LNX1: variants seen among roughly 807,000 people sequenced by gnomAD.
The protein encoded by LNX1 is E3 ubiquitin-protein ligase LNX.
LNX1 carries 54 observed loss-of-function variants against 68.4 expected under a neutral mutation model. The ratio of observed to expected loss-of-function variants is 0.79; its 90% CI spans 0.63 to 0.99. The LOEUF is 0.99. Among genes scored for constraint, LNX1 ranks in the 50% least tolerant of loss-of-function variants. The probability of loss-of-function intolerance (pLI) is 0.00; values close to 1 mark genes in which losing one functional copy is unlikely to be tolerated. For missense variants in LNX1, 906 were observed against 926.4 expected, an observed-to-expected ratio of 0.98 and a Z score of 0.29; for synonymous variants, 336 against 350.0, an observed-to-expected ratio of 0.96 and a Z score of 0.45.
chr4:53,489,306 C>T (rs991050757), intron 6 of LNX1, among the ~76,000 whole-genome samples: 1 of 152,062 alleles, frequency 6.6e-6, no homozygotes, highest in African/African-American at 2.4e-5. Flanking sequence ...GTTTATTTTT[C>T]CCAGTAGACT....
chr4:53,497,831 T>C (rs1725180416), intron 5 of LNX1, among the ~76,000 whole-genome samples: 1 of 152,218 alleles, frequency 6.6e-6, no homozygotes, highest in Non-Finnish European at 1.5e-5. Flanking sequence ...TCTCCTCTTA[T>C]TCCAATCAGT....
intron 1 of LNX1, among the ~76,000 whole-genome samples, chr4:53,635,202 T>C (rs1260300824): frequency 6.6e-6 from 1 of 152,010 alleles, no homozygotes; most frequent in Non-Finnish European, 1.5e-5. Context: ...TCTTGTCACA[T>C]GGGGTGAGGA....
intron 2 of LNX1, among the ~76,000 whole-genome samples, chr4:53,520,608 T>TG (rs1385963341): frequency 6.6e-6 from 1 of 152,074 alleles, no homozygotes; most frequent in African/African-American, 2.4e-5. Context: ...TGTGATGGGG[T>TG]GGGGGTCAGG....
chr4:53,637,517 GTTAT>G (rs1220212264), intron 1 of LNX1, among the ~76,000 whole-genome samples: 1 of 152,172 alleles, frequency 6.6e-6, no homozygotes, highest in Admixed American at 6.5e-5. Context: ...CATTTCACAT[GTTAT>G]TTACTTTTTC....
At chr4:53,488,122 T>G (rs966650804) in intron 6 of LNX1, among the ~76,000 whole-genome samples, 4 of 152,234 alleles carry the variant, frequency 2.6e-5, no homozygotes, top group African/African-American at 9.6e-5. Context: ...TATAATTCAA[T>G]TTCCCTACAA....
intron 6 of LNX1, among the ~76,000 whole-genome samples, chr4:53,489,037 T>A (rs62323573): frequency 0.12 from 18,163 of 152,172 alleles, 1,170 homozygotes; most frequent in East Asian, 0.16. Context: ...ATATTCCCTA[T>A]AAAATGAGTT....
chr4:53,633,887 G>A (rs1053406083), intron 1 of LNX1, among the ~76,000 whole-genome samples: 3 of 152,142 alleles, frequency 2.0e-5, no homozygotes, highest in African/African-American at 7.2e-5. Context: ...CACCAGAAAA[G>A]CCCGACAGTG....
At chr4:53,560,468 C>T (rs2109736061) in intron 2 of LNX1, among the ~76,000 whole-genome samples, 1 of 152,246 alleles carries the variant, frequency 6.6e-6, no homozygotes, top group South Asian at 2.1e-4. Context: ...TAACAGAACC[C>T]AGGTTTTATT....
intron 2 of LNX1, among the ~76,000 whole-genome samples, chr4:53,555,013 AT>A (rs1729802446): frequency 6.6e-6 from 1 of 151,988 alleles, no homozygotes; most frequent in Admixed American, 6.5e-5. Context: ...AGAAAGGAAA[AT>A]CCAGGAGGGT....
Position 53,547,198 on chromosome 4 carries a change from G to A in LNX1, c.380+26425C>T, listed in dbSNP as rs140679434. Among the ~76,000 whole-genome samples the A allele has an allele frequency of 1.1e-4, 16 of 152,294 alleles. No individual in the cohort carries two copies. The East Asian group carries it at 2.3e-3, about 22-fold the overall frequency. ...ACACTGCAAATTATCTTTGCATGGC[G>A]TTATCAATTCTAAGATGGAATCTAT... On this transcript the variant is annotated intron_variant, in intron 2 of 10. Coordinates refer to ENST00000263925, the MANE Select transcript of LNX1 (RefSeq NM_001126328.3).
chr4:53,568,179 C>G (rs1225230625), intron 2 of LNX1, among the ~76,000 whole-genome samples: 1 of 151,878 alleles, frequency 6.6e-6, no homozygotes, highest in Non-Finnish European at 1.5e-5. Context: ...CAAAGCCGGG[C>G]AGAGACACAA....
chr4:53,554,662 G>T (rs1269330469), intron 2 of LNX1, among the ~76,000 whole-genome samples: 5 of 152,132 alleles, frequency 3.3e-5, no homozygotes, highest in Non-Finnish European at 7.4e-5. Context: ...GACCAGCCTG[G>T]CCAATATGGT....
chr4:53,536,822 T>A (rs1728407846), intron 2 of LNX1, among the ~76,000 whole-genome samples: 1 of 152,224 alleles, frequency 6.6e-6, no homozygotes, highest in African/African-American at 2.4e-5. Flanking sequence ...TCTTGTGTTG[T>A]TATTTAAATA....
At chr4:53,520,274 T>C (rs1727117988) in intron 2 of LNX1, among the ~76,000 whole-genome samples, 1 of 152,178 alleles carries the variant, frequency 6.6e-6, no homozygotes, top group Admixed American at 6.5e-5. Flanking sequence ...TTGTTTAGTT[T>C]AAGAAGACCT....
In LNX1 at chr4:53,557,133, G is replaced by A. The variant is rs554277118; in HGVS notation, c.380+16490C>T. Reference sequence around the variant, plus strand: ...AGGAGCTGGAAAAATATCACTAGAGGTTGGTGACATGAGGCATTTCCTTGC... The same window carrying A: ...AGGAGCTGGAAAAATATCACTAGAGATTGGTGACATGAGGCATTTCCTTGC... On this transcript the variant is annotated intron_variant, in intron 2 of 10. Transcript: ENST00000263925. Among the ~76,000 whole-genome samples the A allele has an allele frequency of 6.6e-5, 10 of 152,328 alleles. No individual in the cohort carries two copies. The East Asian group carries it at 1.3e-3, about 21-fold the overall frequency.
intron 7 of LNX1, among the ~76,000 whole-genome samples, chr4:53,479,504 C>G (rs1213359515): frequency 6.6e-6 from 1 of 152,116 alleles, no homozygotes; most frequent in Non-Finnish European, 1.5e-5. Flanking sequence ...GTGTCCATGA[C>G]CATTTCCTTT....
chr4:53,464,839 A>G (rs966847917), intron 9 of LNX1, among the ~76,000 whole-genome samples: 10 of 152,118 alleles, frequency 6.6e-5, no homozygotes, highest in African/African-American at 2.2e-4. Flanking sequence ...TTATTCCTCA[A>G]TGATAGCCAA....
chr4:53,613,951 T>C (rs1256948644), intron 2 of LNX1, among the ~76,000 whole-genome samples: 1 of 149,848 alleles, frequency 6.7e-6, no homozygotes, highest in Non-Finnish European at 1.5e-5. Context: ...TTCCTTTTTC[T>C]CCACAACCTC....
rs530163330 is a variant in LNX1 at position 53,643,378 on chromosome 4, G to A, written c.-215+8790C>T. Among the ~76,000 whole-genome samples the A allele has an allele frequency of 1.4e-4, 22 of 152,034 alleles. 1 individual carries two copies. The South Asian group carries it at 3.8e-3, about 26-fold the overall frequency. On this transcript the variant is annotated intron_variant, in intron 1 of 2. Transcript: ENST00000507168. ...TTGCCCAGGCTGATCTCAAACTCCCGGGCTCAAGTGATCCTCCCACCTTGG... is the reference window on the plus strand; with the variant it reads ...TTGCCCAGGCTGATCTCAAACTCCCAGGCTCAAGTGATCCTCCCACCTTGG...
Sources: allele counts gnomAD v4.1 joint callset (sites outside exome capture counted in the v4.1 genomes callset), GRCh38; gene constraint gnomAD v4.1.1; transcripts MANE v1.5; gene names NCBI Gene and HGNC (gene_info 2026-07-23, HGNC 2026-07-21).